ZNF420: variants seen among roughly 807,000 people sequenced by gnomAD.
ZNF420 encodes ATM and p53-associated KZNF protein.
In ZNF420, 31 loss-of-function variants were observed where a neutral mutation model predicts 44.7. That is an observed-to-expected ratio of 0.69 (90% CI 0.52 to 0.94). ZNF420 has a LOEUF of 0.94. Among genes scored for constraint, ZNF420 ranks in the 40% least tolerant of loss-of-function variants. ZNF420 has a pLI of 0.00. For synonymous variants in ZNF420, 245 were observed against 267.4 expected, an observed-to-expected ratio of 0.92 and a Z score of 0.82; for missense variants, 681 against 827.9, an observed-to-expected ratio of 0.82 and a Z score of 2.18.
Position 37,101,987 on chromosome 19 carries a change from A to G in ZNF420, c.136+10866A>G, listed in dbSNP as rs550889644. On this transcript the variant is annotated intron_variant, in intron 4 of 4. Coordinates refer to ENST00000337995, the MANE Select transcript of ZNF420 (RefSeq NM_144689.5). ...GTCTCTGCACAGATGGGGTAGTTCT[A>G]TGACTGCAACAGGAGGGGCTAGAGC... Among the ~76,000 whole-genome samples the G allele has an allele frequency of 1.4e-4, 21 of 152,224 alleles. No homozygotes were observed. In the East Asian group the frequency reaches 2.5e-3, roughly 18 times the overall value.
chr19:37,077,831 GTCTTAC>G (rs1968198028), upstream of ZNF420, among the ~76,000 whole-genome samples: 1 of 151,942 alleles, frequency 6.6e-6, no homozygotes, highest in Non-Finnish European at 1.5e-5. Context: ...GTGTAAAATC[GTCTTAC>G]TCTGTTAGAC....
chr19:37,095,249 T>C (rs554890941), intron 4 of ZNF420, among the ~76,000 whole-genome samples: 1 of 152,328 alleles, frequency 6.6e-6, no homozygotes, highest in East Asian at 1.9e-4. Flanking sequence ...TTTGGTACTT[T>C]AGTAATTATC....
intron 1 of ZNF420, among the ~76,000 whole-genome samples, chr19:37,070,300 T>G (rs1005253212): frequency 6.6e-6 from 1 of 152,068 alleles, no homozygotes; most frequent in Non-Finnish European, 1.5e-5. Context: ...TAAAAAAAAT[T>G]GTGAAAGGCA....
At chr19:37,030,434 T>C (rs1027978512) in intron 1 of ZNF420, among the ~76,000 whole-genome samples, 1 of 152,210 alleles carries the variant, frequency 6.6e-6, no homozygotes, top group Non-Finnish European at 1.5e-5. Context: ...ATGCTAGGAT[T>C]ACAGGCGTGA....
At chr19:37,019,346 G>A (rs543619453) in intron 1 of ZNF420, among the ~76,000 whole-genome samples, 1 of 152,166 alleles carries the variant, frequency 6.6e-6, no homozygotes, top group Non-Finnish European at 1.5e-5. Context: ...ATCTCCATTA[G>A]AAAGGCTGCC....
chr19:37,108,528 G>C (rs1159913275), intron 4 of ZNF420: 2 of 152,166 alleles, frequency 1.3e-5, no homozygotes, highest in Non-Finnish European at 2.9e-5. Context: ...GAAACCGTTA[G>C]ACTTGAATTT....
intron 4 of ZNF420, among the ~76,000 whole-genome samples, chr19:37,100,585 C>A (rs1969714010): frequency 6.6e-6 from 1 of 152,016 alleles, no homozygotes; most frequent in South Asian, 2.1e-4. Flanking sequence ...TGGTGGCAGG[C>A]GTCTGTCATC....
intron 1 of ZNF420, among the ~76,000 whole-genome samples, chr19:37,020,773 G>T (rs1809214832): frequency 6.6e-6 from 1 of 152,102 alleles, no homozygotes; most frequent in South Asian, 2.1e-4. Flanking sequence ...ATTATACTAA[G>T]GAAATAAGCC....
chr19:37,025,369 TTG>T (rs1369478145), intron 1 of ZNF420: 8 of 168,020 alleles, frequency 4.8e-5, no homozygotes, highest in Non-Finnish European at 9.0e-5. Flanking sequence ...TTAACTGTTG[TTG>T]TTTTTTTTAA....
intron 1 of ZNF420, among the ~76,000 whole-genome samples, chr19:37,008,565 A>T (rs907948633): frequency 2.0e-5 from 3 of 152,190 alleles, no homozygotes; most frequent in South Asian, 2.1e-4. Context: ...GAGCAGACCG[A>T]CGTCAAAGAT....
intron 4 of ZNF420, among the ~76,000 whole-genome samples, chr19:37,114,643 C>G (rs377080837): frequency 6.6e-6 from 1 of 152,110 alleles, no homozygotes; most frequent in Non-Finnish European, 1.5e-5. Context: ...TTGCATTGAC[C>G]GAACCATTAC....
chr19:37,115,703 G>T (rs1403232652), intron 4 of ZNF420, among the ~76,000 whole-genome samples: 1 of 151,914 alleles, frequency 6.6e-6, no homozygotes, highest in African/African-American at 2.4e-5. Context: ...CAACTGCAGA[G>T]AGGCCTTCCT....
intron 1 of ZNF420, among the ~76,000 whole-genome samples, chr19:37,058,862 G>A (rs1967809511): frequency 6.6e-6 from 1 of 152,192 alleles, no homozygotes; most frequent in South Asian, 2.1e-4. Flanking sequence ...CACGTCTCCT[G>A]GAAAGTGGTG....
At chr19:37,086,228 C>CTGCACTGATCCACATT (rs1190580146) in intron 2 of ZNF420, among the ~76,000 whole-genome samples, 1 of 152,082 alleles carries the variant, frequency 6.6e-6, no homozygotes, top group Non-Finnish European at 1.5e-5. Flanking sequence ...TGACTCACTT[C>CTGCACTGATCCACATT]TGCACTGATC....
At chr19:37,020,320 A>G (rs530887722) in intron 1 of ZNF420, among the ~76,000 whole-genome samples, 2 of 152,288 alleles carry the variant, frequency 1.3e-5, no homozygotes, top group South Asian at 2.1e-4. Flanking sequence ...TAAAGGACAA[A>G]TGACACTTCT....
intron 2 of ZNF420, among the ~76,000 whole-genome samples, chr19:37,081,698 G>GTTTT (rs1371325284): frequency 7.8e-5 from 6 of 76,658 alleles, no homozygotes; most frequent in Admixed American, 4.0e-4. Context: ...GCTAATTTTT[G>GTTTT]TATTTTTTTT....
At chr19:37,065,179 T>A (rs3929570) in intron 1 of ZNF420, among the ~76,000 whole-genome samples, 1 of 151,938 alleles carries the variant, frequency 6.6e-6, no homozygotes, top group East Asian at 1.9e-4. Context: ...CAAGTCTAGA[T>A]ACATTCCAGA....
chr19:37,115,317 C>A (rs1035136666), intron 4 of ZNF420, among the ~76,000 whole-genome samples: 1 of 151,978 alleles, frequency 6.6e-6, no homozygotes, highest in Non-Finnish European at 1.5e-5. Context: ...CCCAGGGGAC[C>A]GGCGCTCACC....
intron 1 of ZNF420, among the ~76,000 whole-genome samples, chr19:37,025,906 G>A (rs1967149292): frequency 6.6e-6 from 1 of 150,766 alleles, no homozygotes; most frequent in African/African-American, 2.4e-5. Context: ...CTTCCAAAGT[G>A]TTGGGATTAC....
Sources: allele counts gnomAD v4.1 joint callset (sites outside exome capture counted in the v4.1 genomes callset), GRCh38; gene constraint gnomAD v4.1.1; transcripts MANE v1.5; gene names NCBI Gene and HGNC (gene_info 2026-07-23, HGNC 2026-07-21).